PCDHA10: variants seen among roughly 807,000 people sequenced by gnomAD.
The protein encoded by PCDHA10 is protocadherin alpha-10.
In PCDHA10, 45 loss-of-function variants were observed where a neutral mutation model predicts 61.2. The observed-to-expected ratio is 0.74, with a 90% confidence interval of 0.58 to 0.94. The LOEUF is 0.94. Ranked by LOEUF, PCDHA10 falls within the 40% of genes least tolerant of loss-of-function variation. The probability of loss-of-function intolerance (pLI) is 0.00; values close to 1 mark genes in which losing one functional copy is unlikely to be tolerated. For missense variants in PCDHA10, 1,278 were observed against 1,236.2 expected (o/e 1.03, Z -0.51); for synonymous variants, 602 against 548.8 (o/e 1.10, Z -1.35).
intron 1 of PCDHA10, among the ~76,000 whole-genome samples, chr5:140,902,203 C>CTTT (rs148688132): frequency 4.8e-5 from 6 of 124,458 alleles, no homozygotes; most frequent in Non-Finnish European, 8.4e-5. Flanking sequence ...CTCTCTCTTT[C>CTTT]TTTTTTTTTT....
chr5:140,861,632 A>G (rs1314096154), intron 1 of PCDHA10: 8 of 308,696 alleles, frequency 2.6e-5, no homozygotes, highest in Non-Finnish European at 3.9e-5. Context: ...TGTTCTCAGC[A>G]ACACAAAAGA....
At chr5:140,869,924 A>G (rs2051503420) in intron 1 of PCDHA10, 3 of 1,611,514 alleles carry the variant, frequency 1.9e-6, no homozygotes, top group African/African-American at 1.3e-5. Flanking sequence ...GAAGGAGTCA[A>G]TGGAGAGGTA....
At chr5:140,877,652 C>T (rs1456022709) in intron 1 of PCDHA10, 1 of 1,613,400 alleles carries the variant, frequency 6.2e-7, no homozygotes, top group Non-Finnish European at 8.5e-7. Context: ...TCAGCGCCGC[C>T]CACCGTGAGC....
At chr5:140,889,645 A>AG (rs1314365000) in intron 1 of PCDHA10, among the ~76,000 whole-genome samples, 1 of 152,040 alleles carries the variant, frequency 6.6e-6, no homozygotes, top group African/African-American at 2.4e-5. Context: ...TTGTGTTTGC[A>AG]GGAGATGTCC....
At chr5:140,879,802 T>A (rs535783687) in intron 1 of PCDHA10, among the ~76,000 whole-genome samples, 1 of 152,330 alleles carries the variant, frequency 6.6e-6, no homozygotes, top group Non-Finnish European at 1.5e-5. Flanking sequence ...TCTTCCAGTT[T>A]CTATTGGCTG....
At chr5:140,893,984 AT>A (rs1305613741) in intron 1 of PCDHA10, among the ~76,000 whole-genome samples, 1 of 152,200 alleles carries the variant, frequency 6.6e-6, no homozygotes, top group South Asian at 2.1e-4. Context: ...TAATTTTAAA[AT>A]ATCTCCAATT....
chr5:140,963,838 T>C (rs1414191733), intron 1 of PCDHA10, among the ~76,000 whole-genome samples: 3 of 152,254 alleles, frequency 2.0e-5, no homozygotes, highest in Admixed American at 1.3e-4. Context: ...CATTTTCTCA[T>C]GTAATCATAA....
chr5:140,899,551 GC>G (rs1220661801), intron 1 of PCDHA10, among the ~76,000 whole-genome samples: 12 of 152,288 alleles, frequency 7.9e-5, no homozygotes, highest in Middle Eastern at 6.8e-3. Context: ...TGGTGGATAA[GC>G]TTTTTGATGT....
intron 3 of PCDHA10, among the ~76,000 whole-genome samples, chr5:141,006,214 TTA>T (rs2098261511): frequency 6.6e-6 from 1 of 152,046 alleles, no homozygotes; most frequent in South Asian, 2.1e-4. Flanking sequence ...TCATTTTTTT[TTA>T]AATTTTTTAT....
chr5:140,857,657 C>A lies in PCDHA10; in HGVS notation c.1609C>A (p.Arg537Ser), dbSNP rs1207727837. 6.3e-7 allele frequency: 1 copy of A among 1,596,626 alleles called. No individual in the cohort carries two copies. The change falls in exon 1 of 4, where the codon CGC becomes AGC. Residue 537 changes from arginine to serine, a missense_variant. Physicochemically the swap from Arg to Ser is moderately radical, Grantham distance 110 (BLOSUM62 -1). Transcript: ENST00000307360. ...LELLQFQVSA[R>S]DGGVPPLGSN... ...GCTGCTACAGTTCCAGGTGAGCGCGCGCGATGGGGGCGTGCCGCCTCTGGG... is the reference window on the plus strand; with the variant it reads ...GCTGCTACAGTTCCAGGTGAGCGCGAGCGATGGGGGCGTGCCGCCTCTGGG...
intron 1 of PCDHA10, among the ~76,000 whole-genome samples, chr5:140,956,442 T>A (rs557521776): frequency 2.6e-5 from 4 of 152,362 alleles, no homozygotes; most frequent in African/African-American, 9.6e-5. Flanking sequence ...GCTTATGTGA[T>A]GAATTACATT....
rs181578390 is a variant in PCDHA10, at chr5:140,923,666, G to A, written c.2389-55283G>A. Among the ~76,000 whole-genome samples, 434 of 152,230 alleles carry A rather than the reference G, an allele frequency of 2.9e-3. 2 individuals are homozygous for A. Among genetic ancestry groups the A allele is most frequent in the Middle Eastern group, 0.014 (4 of 294 alleles). On this transcript the variant is annotated intron_variant, in intron 1 of 3. Coordinates refer to ENST00000307360, the MANE Select transcript of PCDHA10 (RefSeq NM_018901.4). ...TAGCCTCCCTTATCTTTGGGATATC[G>A]TTCTCTCTTAAATGTTGCTTTCTCA...
intron 1 of PCDHA10, among the ~76,000 whole-genome samples, chr5:140,891,306 A>G (rs1452305510): frequency 6.6e-6 from 1 of 152,034 alleles, no homozygotes; most frequent in African/African-American, 2.4e-5. Flanking sequence ...ATTTGATTAC[A>G]TGAGTAAGTT....
intron 1 of PCDHA10, chr5:140,884,380 C>T (rs1281344307): frequency 6.2e-7 from 1 of 1,613,980 alleles, no homozygotes; most frequent in Non-Finnish European, 8.5e-7. Context: ...TCATTGCCAT[C>T]TGCGCGGTGT....
At position 140,892,846 on chromosome 5, in the gene PCDHA10, A is replaced by G. The variant is rs1301960107; in HGVS notation, c.2388+34410A>G. Among the ~76,000 whole-genome samples, 3 of 152,112 alleles carry G rather than the reference A, an allele frequency of 2.0e-5. No homozygotes were observed. In the East Asian group the frequency reaches 5.8e-4, roughly 29 times the overall value. On this transcript the variant is annotated intron_variant, in intron 1 of 3. Transcript: ENST00000307360. ...TGCTACAGTGCTGCAAAACACCACA[A>G]CCCATTCCTCCTGTGTAGCTATAAT...
rs782134920 is a variant in PCDHA10, at chr5:140,869,400, C to A, written c.2388+10964C>A. ...ACCGCGAGGAGCTGTGCGGGCAGAG[C>A]GCGGAGTGCAGCATCCACCTGGAGG... On this transcript the variant is annotated intron_variant, in intron 1 of 3. Coordinates refer to ENST00000307360, the MANE Select transcript of PCDHA10 (RefSeq NM_018901.4). The A allele has an allele frequency of 5.2e-5, 84 of 1,614,026 alleles. 2 individuals carry two copies. The Admixed American group carries it at 7.2e-4, about 14-fold the overall frequency.
intron 2 of PCDHA10, 138 bp from the exon 3 acceptor site, chr5:140,982,337 A>G: frequency 6.9e-7 from 1 of 1,455,066 alleles, no homozygotes; most frequent in East Asian, 2.5e-5. Context: ...CTCAGCAGTA[A>G]TTGCTTCAGT....
chr5:140,876,376 A>G (rs2056310624), intron 1 of PCDHA10: 1 of 1,613,840 alleles, frequency 6.2e-7, no homozygotes, highest in African/African-American at 1.3e-5. Flanking sequence ...CACAGGTGAA[A>G]TTAGAATTTA....
chr5:140,858,664 A>C lies in PCDHA10; in HGVS notation c.2388+228A>C, dbSNP rs972477672. ...TGGTACTTAAATTTTTTTAAATAAC[A>C]ATTTATTCTGAATACACTAATATTT... On this transcript the variant is annotated intron_variant, in intron 1 of 3. Transcript: ENST00000307360. 30 of 728,612 alleles carry C rather than the reference A, an allele frequency of 4.1e-5. No homozygotes were observed. In the African/African-American group the frequency reaches 4.8e-4, roughly 12 times the overall value. 45.1% of individuals were successfully genotyped at this position (728,612 alleles called of 1,614,324 possible).
Sources: gnomAD v4.1 joint callset for allele counts (sites outside exome capture counted in the v4.1 genomes callset) on GRCh38, gnomAD v4.1.1 for gene constraint, MANE v1.5 for transcripts, NCBI Gene and HGNC (gene_info 2026-07-23, HGNC 2026-07-21) for gene names.